The following DLG2 variants were observed in gnomAD, a reference collection of about 807,000 sequenced individuals.
DLG2 encodes the protein disks large homolog 2.
DLG2 carries 45 observed loss-of-function variants against 132.5 expected under a neutral mutation model. The observed-to-expected ratio is 0.34, with a 90% CI of 0.27 to 0.44. The LOEUF is 0.44. DLG2 is among the 20% of genes least tolerant of loss of function. The pLI is 1.00. For synonymous variants in DLG2, 424 were observed against 419.6 expected (o/e 1.01, Z -0.13); for missense variants, 1,045 against 1,196.9 (o/e 0.87, Z 1.87).
At position 84,456,919 on chromosome 11, in the gene DLG2, A is replaced by T. The variant is rs76702824; in HGVS notation, c.519+77651T>A. Among the ~76,000 whole-genome samples, 611 of 151,382 alleles carry T rather than the reference A, an allele frequency of 4.0e-3. 4 individuals are homozygous for T. Among genetic ancestry groups the T allele is most frequent in the African/African-American group, 0.014 (590 of 41,452 alleles). On this transcript the variant is annotated intron_variant, in intron 7 of 27. Transcript: ENST00000376104. Reference sequence around the variant, plus strand: ...TGGTTTTAAGTAACAACCACTTGTTATAAGTTAGTATTTAAAAAAAAGGTA... The same window carrying T: ...TGGTTTTAAGTAACAACCACTTGTTTTAAGTTAGTATTTAAAAAAAAGGTA...
At position 85,122,983 on chromosome 11, in the gene DLG2, T is replaced by A. The variant is rs1256169630; in HGVS notation, c.283-11248A>T. 3.3e-4 allele frequency among the ~76,000 whole-genome samples: 29 copies of A among 87,876 alleles called. 1 individual carries two copies. The highest frequency in any genetic ancestry group is 1.5e-3 in the East Asian group (3 of 1,982). The allele number at this position is 87,876 out of a possible 152,430, so 57.7% of individuals were successfully genotyped here. On this transcript the variant is annotated intron_variant, in intron 5 of 27. Transcript: ENST00000376104. The stretch of plus-strand genomic sequence containing the variant: ...TATATATATATATTTTTTTTTTTTT[T>A]TTTTTTTTTTTTGAGACAGAGTCTC...
At chr11:84,318,052 A>G (rs1212695340) in intron 7 of DLG2, among the ~76,000 whole-genome samples, 1 of 152,216 alleles carries the variant, frequency 6.6e-6, no homozygotes, top group Admixed American at 6.5e-5. Flanking sequence ...ATACTTTACC[A>G]TAACAAATAC....
intron 15 of DLG2, among the ~76,000 whole-genome samples, chr11:83,915,772 T>C (rs1462912905): frequency 6.6e-6 from 1 of 152,148 alleles, no homozygotes; most frequent in African/African-American, 2.4e-5. Flanking sequence ...TTAAAGTGCA[T>C]TGTTCAGTGG....
chr11:84,302,472 C>G (rs914139129), intron 7 of DLG2, among the ~76,000 whole-genome samples: 1 of 152,086 alleles, frequency 6.6e-6, no homozygotes, highest in Admixed American at 6.5e-5. Flanking sequence ...TAACTTCTCA[C>G]TTAACAGACA....
chr11:83,769,847 G>A (rs532988578), intron 18 of DLG2, among the ~76,000 whole-genome samples: 1 of 152,172 alleles, frequency 6.6e-6, no homozygotes, highest in East Asian at 1.9e-4. Context: ...TTACAGGCGT[G>A]AGCCACTGTG....
intron 6 of DLG2, among the ~76,000 whole-genome samples, chr11:84,577,560 T>C (rs2099504533): frequency 6.6e-6 from 1 of 152,134 alleles, no homozygotes; most frequent in Non-Finnish European, 1.5e-5. Context: ...GCCCTAGAGA[T>C]TTGTGGAACT....
chr11:84,089,610 C>A (rs1389063424), intron 10 of DLG2, among the ~76,000 whole-genome samples: 2 of 152,180 alleles, frequency 1.3e-5, no homozygotes, highest in East Asian at 1.9e-4. Flanking sequence ...TCAGTATAAT[C>A]ATTATTCTTG....
At chr11:84,934,126 T>C (rs1407788573) in intron 6 of DLG2, among the ~76,000 whole-genome samples, 1 of 152,188 alleles carries the variant, frequency 6.6e-6, no homozygotes, top group African/African-American at 2.4e-5. Flanking sequence ...CCTATTTAGA[T>C]AATCATGTGG....
chr11:84,644,432 C>T (rs916783078), intron 6 of DLG2, among the ~76,000 whole-genome samples: 6 of 152,226 alleles, frequency 3.9e-5, no homozygotes, highest in African/African-American at 9.6e-5. Context: ...GGAGGCCGGG[C>T]GCGGTGGCTC....
chr11:84,987,822 G>A (rs546577867), intron 6 of DLG2, among the ~76,000 whole-genome samples: 10 of 152,298 alleles, frequency 6.6e-5, no homozygotes, highest in Non-Finnish European at 1.2e-4. Flanking sequence ...AATTCTCGAT[G>A]ATAACATTGG....
At chr11:84,943,167 CGTGT>C (rs201404405) in intron 6 of DLG2, among the ~76,000 whole-genome samples, 6,989 of 137,600 alleles carry the variant, frequency 0.051, 266 homozygotes, top group African/African-American at 0.12. Flanking sequence ...TGTGTGTGTG[CGTGT>C]GTGTGTGTGT....
intron 3 of DLG2, among the ~76,000 whole-genome samples, chr11:85,562,241 C>T (rs989429983): frequency 6.6e-6 from 1 of 151,548 alleles, no homozygotes; most frequent in African/African-American, 2.4e-5. Flanking sequence ...ATCCAGGCAA[C>T]TTTTATATTA....
intron 3 of DLG2, among the ~76,000 whole-genome samples, chr11:85,507,819 T>C (rs549906504): frequency 6.6e-6 from 1 of 152,300 alleles, no homozygotes; most frequent in African/African-American, 2.4e-5. Flanking sequence ...CTTGGTTCCG[T>C]TCTCCCATCA....
At chr11:84,668,522 G>GT (rs2099702290) in intron 6 of DLG2, among the ~76,000 whole-genome samples, 1 of 152,232 alleles carries the variant, frequency 6.6e-6, no homozygotes, top group Admixed American at 6.5e-5. Context: ...AATTGAAACG[G>GT]TTTAAGTACT....
At chr11:83,701,996 C>T (rs2083031987) in intron 18 of DLG2, among the ~76,000 whole-genome samples, 1 of 152,210 alleles carries the variant, frequency 6.6e-6, no homozygotes. Context: ...GGCTATTCCA[C>T]ATTATTATAG....
At chr11:84,726,480 A>G (rs2062471537) in intron 6 of DLG2, among the ~76,000 whole-genome samples, 1 of 152,154 alleles carries the variant, frequency 6.6e-6, no homozygotes, top group Non-Finnish European at 1.5e-5. Flanking sequence ...TCCATGGTGT[A>G]TATGTGCCAC....
chr11:84,790,833 T>G (rs1345177750), intron 6 of DLG2, among the ~76,000 whole-genome samples: 4 of 152,228 alleles, frequency 2.6e-5, no homozygotes, highest in Non-Finnish European at 4.4e-5. Context: ...CACCATTCAT[T>G]GAAAAGACTG....
At chr11:85,159,719 T>C (rs2077880240) in intron 4 of DLG2, among the ~76,000 whole-genome samples, 1 of 152,226 alleles carries the variant, frequency 6.6e-6, no homozygotes, top group Non-Finnish European at 1.5e-5. Flanking sequence ...CAAATGACTT[T>C]TTCTCCATTC....
Position 85,154,577 on chromosome 11 carries a change from A to C in DLG2, c.261T>G (p.Asn87Lys), listed in dbSNP as rs1428634264. The C allele has an allele frequency of 2.6e-6, 4 of 1,523,284 alleles. No homozygotes were observed. Among genetic ancestry groups the C allele is most frequent in the Non-Finnish European group, 3.6e-6 (4 of 1,122,530 alleles). The allele number at this position is 1,523,284 out of a possible 1,614,324, so 94.4% of individuals were successfully genotyped here. Residue 87 changes from asparagine to lysine, a missense_variant, in exon 5 of 28, where the codon AAT (asparagine) becomes AAG (lysine). This residue lies in a region of DLG2 where 277 missense variants were observed against 238.2 expected (regional missense o/e 1.16). Coordinates refer to ENST00000376104, the MANE Select transcript of DLG2 (RefSeq NM_001142699.3). ...TTACAGTTGTCGTCTCATCAGTTTC[A>C]TTTTCAAAACTCTGATTTTCTTTAT... Reference protein sequence around the residue: ...EQNKENQSFENETDETTTQNQ... With the variant: ...EQNKENQSFEKETDETTTQNQ...
Sources: gnomAD v4.1 joint callset for allele counts (sites outside exome capture counted in the v4.1 genomes callset) on GRCh38, gnomAD v4.1.1 for gene constraint, gnomAD v4.1.1 regional missense constraint, MANE v1.5 for transcripts, NCBI Gene and HGNC (gene_info 2026-07-23, HGNC 2026-07-21) for gene names.